NEDD4L: variants seen among roughly 807,000 people sequenced by gnomAD.
NEDD4L encodes the protein E3 ubiquitin-protein ligase NEDD4-like.
NEDD4L carries 54 observed loss-of-function variants against 148.9 expected under a neutral mutation model. The observed-to-expected ratio is 0.36, with a 90% confidence interval of 0.29 to 0.45. NEDD4L has a LOEUF of 0.45. NEDD4L is among the 20% of genes least tolerant of loss of function. NEDD4L has a pLI of 1.00. For synonymous variants in NEDD4L, 433 were observed against 440.7 expected, an observed-to-expected ratio of 0.98 and a Z score of 0.22; for missense variants, 856 against 1,233.8, an observed-to-expected ratio of 0.69 and a Z score of 4.59.
intron 2 of NEDD4L, among the ~76,000 whole-genome samples, chr18:58,183,653 G>A (rs1040333841): frequency 6.6e-6 from 1 of 152,188 alleles, no homozygotes; most frequent in African/African-American, 2.4e-5. Context: ...GCACGCATGG[G>A]CCTGTAAATA....
chr18:58,063,715 G>A (rs967279063), intron 1 of NEDD4L, among the ~76,000 whole-genome samples: 3 of 151,332 alleles, frequency 2.0e-5, no homozygotes, highest in East Asian at 2.0e-4. Context: ...ACAGGCACTC[G>A]CCACCATGCC....
At chr18:58,254,590 C>A (rs1457223359) in intron 5 of NEDD4L, among the ~76,000 whole-genome samples, 1 of 148,204 alleles carries the variant, frequency 6.7e-6, no homozygotes, top group East Asian at 2.0e-4. Context: ...CACATGCACT[C>A]CCTTCTTCAA....
At chr18:58,333,942 T>C (rs1402581509) in intron 12 of NEDD4L, 50 bp downstream of exon 12, 1 of 1,228,792 alleles carries the variant, frequency 8.1e-7, no homozygotes, top group Non-Finnish European at 1.2e-6. Flanking sequence ...GGCTTTCATT[T>C]ACAATCATCT....
chr18:58,089,662 T>C (rs76306363), intron 1 of NEDD4L, among the ~76,000 whole-genome samples: 15,194 of 152,088 alleles, frequency 0.1, 944 homozygotes, highest in Admixed American at 0.16. Flanking sequence ...AGAGCAAGGG[T>C]TCATCAGCTA....
Position 58,044,727 on chromosome 18 carries a change from C to A in NEDD4L, c.48+19C>A, listed in dbSNP as rs749710961. On this transcript the variant is annotated intron_variant, in intron 1 of 30. Transcript: ENST00000400345. ...AGACGAGGTGAGTGGCACCCCCTTC[C>A]TGCTCGGGACTCCCCGGGGAGTTCC... The A allele has an allele frequency of 8.1e-6, 13 of 1,602,700 alleles. No homozygotes were observed. In the East Asian group the frequency reaches 2.3e-4, roughly 28 times the overall value.
chr18:58,220,584 CT>C (rs1489985217), intron 2 of NEDD4L, among the ~76,000 whole-genome samples: 4 of 152,338 alleles, frequency 2.6e-5, no homozygotes, highest in African/African-American at 9.6e-5. Context: ...CTGGGGGGAA[CT>C]GCAAGTCTAG....
intron 1 of NEDD4L, among the ~76,000 whole-genome samples, chr18:58,055,371 A>G (rs952031936): frequency 4.6e-5 from 7 of 152,236 alleles, no homozygotes; most frequent in African/African-American, 1.7e-4. Flanking sequence ...AAAGGGGATT[A>G]TAGGTAATTT....
intron 2 of NEDD4L, among the ~76,000 whole-genome samples, chr18:58,224,811 A>G (rs908757286): frequency 6.6e-6 from 1 of 152,140 alleles, no homozygotes; most frequent in Non-Finnish European, 1.5e-5. Context: ...TTGTTGAGCT[A>G]CATTTTTTCC....
chr18:58,051,204 G>A lies in NEDD4L; in HGVS notation c.48+6496G>A, dbSNP rs145338425. Among the ~76,000 whole-genome samples, 518 of 152,272 alleles carry A rather than the reference G, an allele frequency of 3.4e-3. 2 individuals are homozygous for A. Among genetic ancestry groups the A allele is most frequent in the African/African-American group, 0.012 (484 of 41,534 alleles). On this transcript the variant is annotated intron_variant, in intron 1 of 30. Coordinates refer to ENST00000400345, the MANE Select transcript of NEDD4L (RefSeq NM_001144967.3). Reference sequence around the variant, plus strand: ...GCCTGGGAGGTTGAGGCTGCAGTGAGCCATGATCATGCCACTGCACTCCAG... The same window carrying A: ...GCCTGGGAGGTTGAGGCTGCAGTGAACCATGATCATGCCACTGCACTCCAG...
At chr18:58,324,920 A>G in intron 8 of NEDD4L, 76 bp from the exon 9 acceptor site, 1 of 1,331,582 alleles carries the variant, frequency 7.5e-7, no homozygotes, top group African/African-American at 1.4e-5. Context: ...AAGGGCATGC[A>G]GGGCATGCTG....
intron 2 of NEDD4L, among the ~76,000 whole-genome samples, chr18:58,205,763 C>T (rs1317919551): frequency 6.6e-6 from 1 of 151,930 alleles, no homozygotes; most frequent in Non-Finnish European, 1.5e-5. Context: ...AACCCTTTCC[C>T]TGGCATTCTG....
chr18:58,138,365 C>CCCTCCCCTCCTCCTCTTT (rs1381207944), intron 1 of NEDD4L, among the ~76,000 whole-genome samples: 14 of 134,132 alleles, frequency 1.0e-4, no homozygotes, highest in Admixed American at 5.3e-4. Context: ...TCCTCCTCTT[C>CCCTCCCCTCCTCCTCTTT]CCTCCCCTCC....
chr18:58,205,517 TGTG>T, intron 2 of NEDD4L, among the ~76,000 whole-genome samples: 2 of 151,910 alleles, frequency 1.3e-5, no homozygotes, highest in Non-Finnish European at 2.9e-5. Context: ...TGTGTGTGTG[TGTG>T]GTTGGCAGGG....
intron 1 of NEDD4L, among the ~76,000 whole-genome samples, chr18:58,081,404 A>G (rs575017411): frequency 6.6e-6 from 1 of 151,668 alleles, no homozygotes; most frequent in South Asian, 2.1e-4. Flanking sequence ...TTTAGTAGAG[A>G]CGGGGTTTCA....
intron 6 of NEDD4L, among the ~76,000 whole-genome samples, chr18:58,316,642 G>A (rs1444012722): frequency 1.3e-5 from 2 of 152,230 alleles, no homozygotes; most frequent in East Asian, 1.9e-4. Context: ...TAGCGGAGCA[G>A]TCGAGGCTGT....
At chr18:58,131,411 T>A (rs2032126965) in intron 1 of NEDD4L, among the ~76,000 whole-genome samples, 1 of 149,136 alleles carries the variant, frequency 6.7e-6, no homozygotes, top group South Asian at 2.1e-4. Context: ...ACTGTGGTGG[T>A]GTTGGGCTCT....
At chr18:58,349,931 C>A (rs1473183532) in intron 17 of NEDD4L, among the ~76,000 whole-genome samples, 1 of 152,170 alleles carries the variant, frequency 6.6e-6, no homozygotes, top group Non-Finnish European at 1.5e-5. Context: ...ACTTAGCAAC[C>A]ACTGAGTTTC....
chr18:58,259,443 G>A (rs565043491), intron 5 of NEDD4L, among the ~76,000 whole-genome samples: 1 of 152,212 alleles, frequency 6.6e-6, no homozygotes, highest in African/African-American at 2.4e-5. Flanking sequence ...TTAGCTTTTG[G>A]GTTATTGGGT....
At chr18:58,126,600 G>T (rs2031146682) in intron 1 of NEDD4L, among the ~76,000 whole-genome samples, 2 of 152,172 alleles carry the variant, frequency 1.3e-5, no homozygotes, top group South Asian at 4.1e-4. Context: ...GAACACTTGT[G>T]TGCAGGTTTT....
Sources: gnomAD v4.1 joint callset for allele counts (sites outside exome capture counted in the v4.1 genomes callset) on GRCh38, gnomAD v4.1.1 for gene constraint, MANE v1.5 for transcripts, NCBI Gene and HGNC (gene_info 2026-07-23, HGNC 2026-07-21) for gene names.